ZFP62: variants seen among roughly 807,000 people sequenced by gnomAD.
The protein encoded by ZFP62 is ZFP62 zinc finger protein, also known as zinc finger protein 62 homolog.
ZFP62 carries 44 observed loss-of-function variants against 56.4 expected under a neutral mutation model. The observed-to-expected ratio is 0.78, with a 90% confidence interval of 0.61 to 1.00. The LOEUF is 1.00. Ranked by LOEUF, ZFP62 falls within the 50% of genes least tolerant of loss-of-function variation. The pLI, the probability that ZFP62 is intolerant of heterozygous loss-of-function variation, is 0.00. For missense variants in ZFP62, 1,030 were observed against 1,085.7 expected (o/e 0.95, Z 0.72); for synonymous variants, 421 against 388.9 (o/e 1.08, Z -0.97).
chr5:180,848,286 A>G lies in ZFP62; in HGVS notation c.*506T>C. ...CCAATTACATCAAGTTTATACTTAA[A>G]GACCACTAATATTAAATAAATTTAT... On this transcript the variant is annotated 3_prime_UTR_variant, in exon 2 of 2. Coordinates refer to ENST00000502412, the MANE Select transcript of ZFP62 (RefSeq NM_001172638.2). The G allele has an allele frequency of 2.0e-6, 2 of 985,516 alleles. No individual in the cohort carries two copies. Among genetic ancestry groups the G allele is most frequent in the Non-Finnish European group, 1.2e-6 (1 of 829,990 alleles). 61.0% of individuals were successfully genotyped at this position (985,516 alleles called of 1,614,324 possible).
At chr5:180,831,381 TG>T in the ZFP62 span, 1 of 150,794 alleles carries the variant, frequency 6.6e-6, no homozygotes, top group South Asian at 2.1e-4. Context: ...AGAGGGGCCG[TG>T]GCGCCATCGC....
chr5:180,850,617 C>T lies in ZFP62; in HGVS notation c.878G>A (p.Ser293Asn). The T allele has an allele frequency of 6.4e-7, 1 of 1,569,040 alleles. No homozygotes were observed. ...CDICGKTFSNSSGLRVHKRIH... is the reference protein window; with the variant it reads ...CDICGKTFSNNSGLRVHKRIH... ...CCTTTTATGGACCCTAAGGCCAGAG[C>T]TGTTACTGAAGGTTTTCCCACAGAT... is the stretch of plus-strand genomic sequence containing the variant. Residue 293 changes from serine (S) to asparagine (N), a missense_variant, in exon 2 of 2, where the codon AGC becomes AAC. Transcript: ENST00000502412.
rs1337952007 is a variant in ZFP62, at chr5:180,850,718, C to T, written c.777G>A (p.Gly259=). 2 of 1,606,586 alleles carry T rather than the reference C, an allele frequency of 1.2e-6. No individual in the cohort carries two copies. The highest frequency in any genetic ancestry group is 1.7e-6 in the Non-Finnish European group (2 of 1,176,324). The part of the protein sequence containing the change: ...GEKPYECGEC[G]KAFRNSSGLR... ...GCCCAGAGCTGTTCCTGAAGGCCTT[C>T]CCACACTCACCACATTCATAGGGCT... Residue 259 remains glycine (G), a synonymous_variant, in exon 2 of 2, where the codon GGG becomes GGA. Transcript: ENST00000502412.
the ZFP62 span, among the ~76,000 whole-genome samples, chr5:180,836,115 T>G: frequency 6.6e-6 from 1 of 152,274 alleles, no homozygotes; most frequent in Non-Finnish European, 1.5e-5. Flanking sequence ...GCAGCCTAGC[T>G]GTGTAGTAGG....
downstream of ZFP62, among the ~76,000 whole-genome samples, chr5:180,843,876 T>A (rs1018398189): frequency 1.4e-4 from 22 of 152,180 alleles, 1 homozygote; most frequent in African/African-American, 4.8e-5. Flanking sequence ...ATAAAGCAAA[T>A]CTCAACACAA....
chr5:180,850,584 G>T lies in ZFP62; in HGVS notation c.911C>A (p.Thr304Lys). 2 of 1,561,208 alleles carry T rather than the reference G, an allele frequency of 1.3e-6. No homozygotes were observed. Among genetic ancestry groups the T allele is most frequent in the Non-Finnish European group, 1.7e-6 (2 of 1,152,722 alleles). Residue 304 changes from threonine (T) to lysine (K), a missense_variant, in exon 2 of 2, where the codon ACA becomes AAA. Physicochemically the swap from Thr to Lys is moderately conservative, Grantham distance 78. Transcript: ENST00000502412. ...SGLRVHKRIH[T>K]GEKPYECDEC... Reference sequence around the variant, plus strand: ...ATCACATTCGTAAGGTTTCTCACCTGTGTGGATCCTTTTATGGACCCTAAG... The same window carrying T: ...ATCACATTCGTAAGGTTTCTCACCTTTGTGGATCCTTTTATGGACCCTAAG...
At chr5:180,847,202 T>C (rs1172726766), downstream of ZFP62, among the ~76,000 whole-genome samples, 3 of 152,250 alleles carry the variant, frequency 2.0e-5, no homozygotes, top group Admixed American at 1.3e-4. Context: ...CCTTTGCTGA[T>C]TGGCCCACTC....
Position 180,861,247 on chromosome 5 carries a change from C to T in ZFP62, c.-28G>A. On this transcript the variant is annotated 5_prime_UTR_variant, in exon 1 of 2. Coordinates refer to ENST00000502412, the MANE Select transcript of ZFP62 (RefSeq NM_001172638.2). ...CTGTGGCGGCGCCGCGGGAACCCGG[C>T]CGCCAGCGGGACAAAAGCGCGGACC... 1 of 397,812 alleles carries T rather than the reference C, an allele frequency of 2.5e-6. No homozygotes were observed. Among genetic ancestry groups the T allele is most frequent in the Non-Finnish European group, 4.4e-6 (1 of 225,484 alleles). 24.6% of individuals were successfully genotyped at this position (397,812 alleles called of 1,614,324 possible).
chr5:180,832,668 C>T, the ZFP62 span: 2 of 152,146 alleles, frequency 1.3e-5, no homozygotes, highest in Non-Finnish European at 2.9e-5. Context: ...CTCATGACCC[C>T]TTAGGTACCA....
the ZFP62 span, among the ~76,000 whole-genome samples, chr5:180,841,810 T>C: frequency 6.6e-6 from 1 of 152,264 alleles, no homozygotes; most frequent in Admixed American, 6.5e-5. Context: ...TCCTAGAGCT[T>C]TGGGAAGCTG....
In ZFP62 at chr5:180,849,884, C is replaced by T. The variant is rs1397071494; in HGVS notation, c.1611G>A (p.Glu537=). 2.6e-6 allele frequency: 4 copies of T among 1,551,596 alleles called. No homozygotes were observed. Among genetic ancestry groups the T allele is most frequent in the Non-Finnish European group, 3.5e-6 (4 of 1,147,018 alleles). Residue 537 remains glutamate, a synonymous_variant, in exon 2 of 2, where the codon GAG becomes GAA. Coordinates refer to ENST00000502412, the MANE Select transcript of ZFP62 (RefSeq NM_001172638.2). The stretch of plus-strand genomic sequence containing the variant: ...AATTATTTCTGAAAGCTTTACCACA[C>T]TCATCACACCCAAAGGGTTTTTCCC... The part of the protein sequence containing the change: ...HTREKPFGCD[E]CGKAFRNNSG...
chr5:180,855,108 A>G (rs909558736), intron 1 of ZFP62, among the ~76,000 whole-genome samples: 1 of 152,222 alleles, frequency 6.6e-6, no homozygotes, highest in Non-Finnish European at 1.5e-5. Flanking sequence ...CATGATGTAT[A>G]TAATTACCTA....
the ZFP62 span, among the ~76,000 whole-genome samples, chr5:180,837,476 C>T: frequency 5.9e-5 from 9 of 152,212 alleles, no homozygotes; most frequent in Non-Finnish European, 8.8e-5. Context: ...TGACAGATGT[C>T]GGCAGTGAGG....
At chr5:180,830,635 G>A in the ZFP62 span, 1 of 145,838 alleles carries the variant, frequency 6.9e-6, no homozygotes, top group Non-Finnish European at 1.6e-5. Flanking sequence ...TTAAGCCTAA[G>A]CCACCACCAT....
rs1189107466 is a variant in ZFP62, at chr5:180,849,201, G to A, written c.2294C>T (p.Ala765Val). 2 of 1,560,744 alleles carry A rather than the reference G, an allele frequency of 1.3e-6. No homozygotes were observed. Among genetic ancestry groups the A allele is most frequent in the Admixed American group, 3.9e-5 (2 of 51,714 alleles). ...TGTGAGGCCTGAGCTGTTCCTGAAG[G>A]CCTTCCCACACCTATCACACACATA... ...KPYVCDRCGK[A>V]FRNSSGLTVH... Residue 765 changes from alanine (A) to valine (V), a missense_variant, in exon 2 of 2, where the codon GCC becomes GTC. Physicochemically the swap from Ala to Val is moderately conservative, Grantham distance 64. Coordinates refer to ENST00000502412, the MANE Select transcript of ZFP62 (RefSeq NM_001172638.2).
the ZFP62 span, among the ~76,000 whole-genome samples, chr5:180,827,663 C>T: frequency 3.3e-5 from 5 of 152,174 alleles, no homozygotes; most frequent in South Asian, 2.1e-4. Flanking sequence ...AAGACCTGAC[C>T]GTCCCCCAGC....
downstream of ZFP62, chr5:180,846,002 C>T (rs1561899137): frequency 8.5e-6 from 3 of 353,704 alleles, no homozygotes; most frequent in Non-Finnish European, 1.2e-5. Context: ...CTTTCTCCTC[C>T]CCGCTTTTCC....
At chr5:180,846,861 A>T (rs1236494453), downstream of ZFP62, among the ~76,000 whole-genome samples, 1 of 152,226 alleles carries the variant, frequency 6.6e-6, no homozygotes, top group African/African-American at 2.4e-5. Context: ...TGAATAAATC[A>T]GTCCAAGTCT....
At position 180,850,254 on chromosome 5, in the gene ZFP62, A is replaced by C; in HGVS notation, c.1241T>G (p.Ile414Ser). ...YSSGLAVHKS[I>S]HPGKKAHECK... ...TTCATGGGCTTTCTTCCCAGGGTGAATGCTTTTATGGACTGCGAGGCCTGA... is the reference window on the plus strand; with the variant it reads ...TTCATGGGCTTTCTTCCCAGGGTGACTGCTTTTATGGACTGCGAGGCCTGA... Residue 414 changes from isoleucine (I) to serine (S), a missense_variant, in exon 2 of 2, where the codon ATT (isoleucine) becomes AGT (serine). By Grantham distance (142) the Ile-to-Ser change is moderately radical. Coordinates refer to ENST00000502412, the MANE Select transcript of ZFP62 (RefSeq NM_001172638.2). 6.4e-7 allele frequency: 1 copy of C among 1,554,602 alleles called. No individual in the cohort carries two copies. Among genetic ancestry groups the C allele is most frequent in the South Asian group, 1.2e-5 (1 of 84,224 alleles).
Sources: gnomAD v4.1 joint callset for allele counts (sites outside exome capture counted in the v4.1 genomes callset) on GRCh38, gnomAD v4.1.1 for gene constraint, MANE v1.5 for transcripts, NCBI Gene and HGNC (gene_info 2026-07-23, HGNC 2026-07-21) for gene names.